RREB1: variants seen among roughly 807,000 people sequenced by gnomAD.
The protein encoded by RREB1 is ras responsive element binding protein 1.
In RREB1, 27 loss-of-function variants were observed where a neutral mutation model predicts 117.8. The ratio of observed to expected loss-of-function variants is 0.23; its 90% CI spans 0.17 to 0.32. The LOEUF (loss-of-function observed/expected upper bound fraction) is 0.32. Among genes scored for constraint, RREB1 ranks in the 10% least tolerant of loss-of-function variants. The pLI is 1.00. For missense variants in RREB1, 2,577 were observed against 2,378.2 expected (o/e 1.08, Z -1.74); for synonymous variants, 1,298 against 1,026.7 (o/e 1.26, Z -5.05).
At chr6:7,136,138 G>GA (rs925754724) in intron 1 of RREB1, among the ~76,000 whole-genome samples, 9 of 152,046 alleles carry the variant, frequency 5.9e-5, no homozygotes, top group Non-Finnish European at 1.0e-4. Flanking sequence ...GTTTCTGGGG[G>GA]AAAAAACCCA....
In RREB1 at chr6:7,226,524, G is replaced by C. The variant is rs759101444; in HGVS notation, c.765G>C (p.Ala255=). The C allele has an allele frequency of 6.2e-7, 1 of 1,614,088 alleles. No homozygotes were observed. Among genetic ancestry groups the C allele is most frequent in the African/African-American group, 1.3e-5 (1 of 75,020 alleles). Residue 255 remains alanine, a synonymous_variant, in exon 9 of 13, where the codon GCG becomes GCC. Coordinates refer to ENST00000379938, the MANE Select transcript of RREB1 (RefSeq NM_001003699.4). ...ATCGAGGACTGCTGCGTCACAACGC[G>C]CTTGTCCACAAACAACTTCCCAGGG... The part of the protein sequence containing the change: ...RTHRGLLRHN[A]LVHKQLPRDA...
intron 9 of RREB1, among the ~76,000 whole-genome samples, 198 bp downstream of exon 9, chr6:7,226,854 A>G (rs547280554): frequency 8.5e-5 from 13 of 152,304 alleles, no homozygotes; most frequent in African/African-American, 2.9e-4. Flanking sequence ...AGAAGGCTGC[A>G]TAGGCTTGTT....
chr6:7,140,831 T>G (rs1397183755), intron 1 of RREB1: 1 of 152,370 alleles, frequency 6.6e-6, no homozygotes, highest in African/African-American at 2.4e-5. Flanking sequence ...GCGCCAGGCT[T>G]CGTGTGGTGG....
At chr6:7,119,351 A>G (rs777504003) in intron 1 of RREB1, among the ~76,000 whole-genome samples, 5 of 151,962 alleles carry the variant, frequency 3.3e-5, no homozygotes, top group Non-Finnish European at 4.4e-5. Flanking sequence ...CTCCATCTCA[A>G]AAAAAAAGAA....
At chr6:7,138,286 C>G (rs1762426992) in intron 1 of RREB1, among the ~76,000 whole-genome samples, 1 of 152,122 alleles carries the variant, frequency 6.6e-6, no homozygotes, top group Non-Finnish European at 1.5e-5. Flanking sequence ...CCAAATAATT[C>G]AGTTGGGCCC....
rs555913324 is a variant in RREB1, at chr6:7,148,684, T to C, written c.-284-27971T>C. Among the ~76,000 whole-genome samples, 123 of 152,286 alleles carry C rather than the reference T, an allele frequency of 8.1e-4. 1 individual carries two copies. The highest frequency in any genetic ancestry group is 1.3e-3 in the Non-Finnish European group (89 of 68,020). On this transcript the variant is annotated intron_variant, in intron 1 of 12. Coordinates refer to ENST00000379938, the MANE Select transcript of RREB1 (RefSeq NM_001003699.4). Reference sequence around the variant, plus strand: ...CTATGCTTAAGGAAACAGGGAAGTTTGAAAGATACTTTAGAATGATTGACA... The same window carrying C: ...CTATGCTTAAGGAAACAGGGAAGTTCGAAAGATACTTTAGAATGATTGACA...
At chr6:7,118,801 ATTTTTTTT>A (rs70978942) in intron 1 of RREB1, among the ~76,000 whole-genome samples, 1 of 47,056 alleles carries the variant, frequency 2.1e-5, no homozygotes, top group African/African-American at 9.2e-5. Context: ...GTTTTTTTTA[ATTTTTTTT>A]TTTTTTTTTT....
chr6:7,247,438 T>G (rs1254905215), intron 12 of RREB1, among the ~76,000 whole-genome samples: 1 of 152,198 alleles, frequency 6.6e-6, no homozygotes, highest in African/African-American at 2.4e-5. Context: ...GAGAGGGTCC[T>G]TGGCCGTTGT....
intron 1 of RREB1, among the ~76,000 whole-genome samples, chr6:7,165,087 A>G (rs764322666): frequency 6.6e-6 from 1 of 152,246 alleles, no homozygotes; most frequent in African/African-American, 2.4e-5. Context: ...TCTCACACAC[A>G]GAGGCACAAG....
In RREB1 at chr6:7,123,610, C is replaced by CTT. The variant is rs5874079; in HGVS notation, c.-285+15567_-285+15568dup. 2.7e-3 allele frequency among the ~76,000 whole-genome samples: 336 copies of CTT among 122,814 alleles called. 10 individuals carry two copies. The highest frequency in any genetic ancestry group is 4.2e-3 in the African/African-American group (137 of 32,450). The allele number at this position is 122,814 out of a possible 152,430, so 80.6% of individuals were successfully genotyped here. ...AGTTAGGCCAGGCCATGTGATGTGT[C>CTT]TTTTTTTTTTTTTTTTTTGAGATGG... On this transcript the variant is annotated intron_variant, in intron 1 of 12. Coordinates refer to ENST00000379938, the MANE Select transcript of RREB1 (RefSeq NM_001003699.4).
At chr6:7,156,105 C>T (rs947283004) in intron 1 of RREB1, among the ~76,000 whole-genome samples, 3 of 152,192 alleles carry the variant, frequency 2.0e-5, no homozygotes, top group Non-Finnish European at 2.9e-5. Flanking sequence ...GGCTTAACCA[C>T]GGGGTTTTTT....
In RREB1 at chr6:7,226,560, C is replaced by T; in HGVS notation, c.801C>T (p.Gly267=). The part of the protein sequence containing the change: ...VHKQLPRDAM[G]RPFIQNNPSI... The stretch of plus-strand genomic sequence containing the variant: ...AACAACTTCCCAGGGATGCAATGGG[C>T]AGACCTTTCATACAGAACAACCCTT... Residue 267 remains glycine (G), a synonymous_variant, in exon 9 of 13, where the codon GGC becomes GGT. Transcript: ENST00000379938. 1.2e-6 allele frequency: 2 copies of T among 1,614,042 alleles called. No individual in the cohort carries two copies. The highest frequency in any genetic ancestry group is 1.1e-5 in the South Asian group (1 of 91,084).
In RREB1 at chr6:7,240,595, T is replaced by A; in HGVS notation, c.3966T>A (p.Asp1322Glu). The A allele has an allele frequency of 6.2e-7, 1 of 1,610,418 alleles. No homozygotes were observed. Among genetic ancestry groups the A allele is most frequent in the South Asian group, 1.1e-5 (1 of 90,516 alleles). ...AAGAGAGTGATGTTGGATCCCATGA[T>A]AGCACAGGTAGTGCCGCCAGGTGAA... ...QSKESDVGSH[D>E]STDSQSDAET... Residue 1322 changes from aspartate to glutamate, a missense_variant, in exon 11 of 13, where the codon GAT (aspartate) becomes GAA (glutamate). Coordinates refer to ENST00000379938, the MANE Select transcript of RREB1 (RefSeq NM_001003699.4).
At chr6:7,227,765 C>T (rs1205972653) in intron 9 of RREB1, among the ~76,000 whole-genome samples, 1 of 152,118 alleles carries the variant, frequency 6.6e-6, no homozygotes, top group Non-Finnish European at 1.5e-5. Context: ...AAAGCACCTG[C>T]TAAAACTACT....
At chr6:7,189,066 G>GT (rs376954952) in intron 5 of RREB1, 93 bp from the exon 6 acceptor site, 98 of 1,279,380 alleles carry the variant, frequency 7.7e-5, no homozygotes, top group African/African-American at 1.7e-4. Context: ...AAGTTGATTG[G>GT]TTTTTTTAAT....
intron 1 of RREB1, among the ~76,000 whole-genome samples, chr6:7,175,753 T>C (rs112252543): frequency 3.7e-4 from 57 of 152,310 alleles, no homozygotes; most frequent in African/African-American, 1.3e-3. Flanking sequence ...GCTCAAACTT[T>C]TGAAGGGCAT....
chr6:7,230,878 C>G lies in RREB1; in HGVS notation c.2779C>G (p.Pro927Ala), dbSNP rs761416836. 23 of 1,614,098 alleles carry G rather than the reference C, an allele frequency of 1.4e-5. No homozygotes were observed. In the East Asian group the frequency reaches 5.1e-4, roughly 36 times the overall value. ...CTTTCTGAGCCCTTCTTCCCTGGTC[C>G]CCTATGACTGCTCCATGGAGCCCAT... ...ISFLSPSSLV[P>A]YDCSMEPIDL... The change falls in exon 10 of 13, where the codon CCC (proline) becomes GCC (alanine). Residue 927 changes from proline to alanine, a missense_variant. By Grantham distance (27) the Pro-to-Ala change is conservative (BLOSUM62 -1). Transcript: ENST00000379938.
chr6:7,115,161 C>G (rs931941603), intron 1 of RREB1, among the ~76,000 whole-genome samples: 1 of 152,102 alleles, frequency 6.6e-6, no homozygotes, highest in Non-Finnish European at 1.5e-5. Context: ...CCATACATCT[C>G]CTCTTGAGAG....
intron 1 of RREB1, among the ~76,000 whole-genome samples, chr6:7,120,795 C>T (rs868419830): frequency 2.2e-4 from 33 of 148,508 alleles, no homozygotes; most frequent in Admixed American, 1.5e-3. Context: ...TACAGGTGTG[C>T]GCCACCACGC....
Sources: gnomAD v4.1 joint callset for allele counts (sites outside exome capture counted in the v4.1 genomes callset) on GRCh38, gnomAD v4.1.1 for gene constraint, MANE v1.5 for transcripts, NCBI Gene and HGNC (gene_info 2026-07-23, HGNC 2026-07-21) for gene names.